The following CLIC1 variants were observed in gnomAD, a reference collection of about 807,000 sequenced individuals.
The protein encoded by CLIC1 is CLIC family member 1.
CLIC1 carries 16 observed loss-of-function variants against 26.4 expected under a neutral mutation model. The ratio of observed to expected loss-of-function variants is 0.61; its 90% CI spans 0.41 to 0.92. The LOEUF (loss-of-function observed/expected upper bound fraction) is 0.92, where lower values mean the gene tolerates loss of function less well. Ranked by LOEUF, CLIC1 falls within the 40% of genes least tolerant of loss-of-function variation. The pLI, the probability that CLIC1 is intolerant of heterozygous loss-of-function variation, is 0.00. For missense variants in CLIC1, 225 were observed against 289.7 expected (o/e 0.78, Z 1.62); for synonymous variants, 98 against 120.8 (o/e 0.81, Z 1.24).
Position 31,730,715 on chromosome 6 carries a change from C to G in CLIC1, c.*127G>C, listed in dbSNP as rs1807849986. 1 of 1,012,900 alleles carries G rather than the reference C, an allele frequency of 9.9e-7. No individual in the cohort carries two copies. The highest frequency in any genetic ancestry group is 1.5e-6 in the Non-Finnish European group (1 of 676,282). 62.7% of individuals were successfully genotyped at this position (1,012,900 alleles called of 1,614,324 possible). On this transcript the variant is annotated 3_prime_UTR_variant, in exon 6 of 6. Transcript: ENST00000375784. The surrounding 1 kb of genome is among the most constrained non-coding windows in gnomAD (Gnocchi z 5.1). ...CATCCCCTCTTCCACCACACCATCC[C>G]GGAACAAGTGCTCCAGGATTCCCTG...
rs192223015 is a variant in CLIC1, at chr6:31,733,609, T to C, written c.339A>G (p.Lys113=). The change falls in exon 4 of 6, where the codon AAA becomes AAG. Residue 113 remains lysine (K), a synonymous_variant. Transcript: ENST00000375784. This position sits in a 1 kb window ranked among gnomAD's most constrained non-coding sequence, Gnocchi z 5.4. The stretch of plus-strand genomic sequence containing the variant: ...TTGAATTCTTGATGTAGGCAGAAAA[T>C]TTGGCAAATATGTCCAGCCCAGCTG... 3.2e-5 allele frequency: 51 copies of C among 1,612,994 alleles called. No individual in the cohort carries two copies. In the East Asian group the frequency reaches 8.2e-4, roughly 26 times the overall value.
In CLIC1 at chr6:31,732,012, C is replaced by A. The variant is rs570492617; in HGVS notation, c.564+205G>T. Among the ~76,000 whole-genome samples, 5 of 152,302 alleles carry A rather than the reference C, an allele frequency of 3.3e-5. No homozygotes were observed. The highest frequency in any genetic ancestry group is 1.3e-4 in the Admixed American group (2 of 15,300). On this transcript the variant is annotated intron_variant, in intron 5 of 5. Transcript: ENST00000375784. This position sits in a 1 kb window ranked among gnomAD's most constrained non-coding sequence, Gnocchi z 5.0. ...GTCTGTTTGCACCCATGACTTACAT[C>A]ATGGAATATAATTATCTCAAGCAGT...
At position 31,734,251 on chromosome 6, in the gene CLIC1, C is replaced by T. The variant is rs760814992; in HGVS notation, c.52G>A (p.Gly18Arg). The T allele has an allele frequency of 1.2e-6, 2 of 1,614,092 alleles. No individual in the cohort carries two copies. The highest frequency in any genetic ancestry group is 1.1e-5 in the South Asian group (1 of 91,062). Residue 18 changes from glycine to arginine, a missense_variant, in exon 2 of 6, where the codon GGG becomes AGG. Transcript: ENST00000375784. The surrounding 1 kb of genome is among the most constrained non-coding windows in gnomAD (Gnocchi z 5.3). ...AATGGGCAGTTCCCAATCTTGGCCC[C>T]ATCACTGCCAGCCTGAAAAGTAACC...
rs1338981321 is a variant in CLIC1 at position 31,734,727 on chromosome 6, C to A, written c.40-464G>T. Among the ~76,000 whole-genome samples the A allele has an allele frequency of 6.6e-6, 1 of 152,068 alleles. No individual in the cohort carries two copies. Among genetic ancestry groups the A allele is most frequent in the Non-Finnish European group, 1.5e-5 (1 of 67,998 alleles). ...TTGGGTGGGGAGTCTAGTCAAGGGG[C>A]CCTGGGCCTCGCGCTAGAGATGTGG... On this transcript the variant is annotated intron_variant, in intron 1 of 5. Transcript: ENST00000375784. The surrounding 1 kb of genome is among the most constrained non-coding windows in gnomAD (Gnocchi z 5.3).
At chr6:31,735,464 C>T (rs945095961) in intron 1 of CLIC1, among the ~76,000 whole-genome samples, 21 of 151,466 alleles carry the variant, frequency 1.4e-4, no homozygotes, top group African/African-American at 5.1e-4. Flanking sequence ...GACCATCTCT[C>T]CTTACCCACA....
Position 31,736,196 on chromosome 6 carries a change from G to T in CLIC1, c.39+66C>A. 6.4e-7 allele frequency: 1 copy of T among 1,550,914 alleles called. No individual in the cohort carries two copies. The highest frequency in any genetic ancestry group is 2.2e-5 in the East Asian group (1 of 44,526). On this transcript the variant is annotated intron_variant, in intron 1 of 5. Coordinates refer to ENST00000375784, the Ensembl canonical transcript of CLIC1. The surrounding 1 kb of genome is among the most constrained non-coding windows in gnomAD (Gnocchi z 5.0). The stretch of plus-strand genomic sequence containing the variant: ...GGGAAGGGATTGGGGAGTTAAGGCT[G>T]GACCGGGGGAAAGGTGAGAGTTGGC...
chr6:31,736,317 A>G lies in CLIC1; in HGVS notation c.-17T>C. The G allele has an allele frequency of 1.9e-6, 3 of 1,612,864 alleles. No homozygotes were observed. The highest frequency in any genetic ancestry group is 1.3e-5 in the African/African-American group (1 of 75,034). The stretch of plus-strand genomic sequence containing the variant: ...TTCAGCCATGGTTGCGTCGGGGACC[A>G]GGAAGTGGCCGTCCCTGGGGGAACT... On this transcript the variant is annotated 5_prime_UTR_variant, in exon 1 of 6. Transcript: ENST00000375784. The surrounding 1 kb of genome is among the most constrained non-coding windows in gnomAD (Gnocchi z 5.0).
intron 5 of CLIC1, 56 bp from the exon 6 acceptor site, chr6:31,731,059 G>A (rs574966376): frequency 1.3e-6 from 2 of 1,535,776 alleles, no homozygotes; most frequent in African/African-American, 2.7e-5. Flanking sequence ...AGCCACCTTG[G>A]CTTTCCCTTC....
intron 1 of CLIC1, among the ~76,000 whole-genome samples, chr6:31,735,405 T>G (rs1808261700): frequency 6.7e-6 from 1 of 150,300 alleles, no homozygotes; most frequent in Non-Finnish European, 1.5e-5. Context: ...GGGGGCTGGG[T>G]GACACCGAGA....
At position 31,734,998 on chromosome 6, in the gene CLIC1, G is replaced by T. The variant is rs1199876280; in HGVS notation, c.40-735C>A. Among the ~76,000 whole-genome samples, 1 of 151,952 alleles carries T rather than the reference G, an allele frequency of 6.6e-6. No individual in the cohort carries two copies. Among genetic ancestry groups the T allele is most frequent in the Non-Finnish European group, 1.5e-5 (1 of 67,984 alleles). On this transcript the variant is annotated intron_variant, in intron 1 of 5. Coordinates refer to ENST00000375784, the Ensembl canonical transcript of CLIC1. This position sits in a 1 kb window ranked among gnomAD's most constrained non-coding sequence, Gnocchi z 5.3. ...CCATCCTCTCACAGGACACAGGGCC[G>T]GAATCTCTGCGGCACAGCCTCACCC...
chr6:31,732,995 G>A lies in CLIC1; in HGVS notation c.382+571C>T, dbSNP rs546687511. Among the ~76,000 whole-genome samples, 14 of 151,600 alleles carry A rather than the reference G, an allele frequency of 9.2e-5. No homozygotes were observed. The South Asian group carries it at 2.1e-3, about 23-fold the overall frequency. On this transcript the variant is annotated intron_variant, in intron 4 of 5. Transcript: ENST00000375784. This position sits in a 1 kb window ranked among gnomAD's most constrained non-coding sequence, Gnocchi z 5.0. The stretch of plus-strand genomic sequence containing the variant: ...AAATTAGCTGGGCGTGGTGATGCAC[G>A]TCTGTAATCCCAGCTACTCAGGAGG...
chr6:31,731,736 C>T (rs1235909709), intron 5 of CLIC1, among the ~76,000 whole-genome samples: 1 of 152,238 alleles, frequency 6.6e-6, no homozygotes, highest in Admixed American at 6.5e-5. Context: ...ATGTTCACTA[C>T]ATAGTTGTGT....
Position 31,736,201 on chromosome 6 carries a change from G to T in CLIC1, c.39+61C>A. ...GGGATTGGGGAGTTAAGGCTGGACC[G>T]GGGGAAAGGTGAGAGTTGGCTTCCA... On this transcript the variant is annotated intron_variant, in intron 1 of 5. Transcript: ENST00000375784. The surrounding 1 kb of genome is among the most constrained non-coding windows in gnomAD (Gnocchi z 5.0). 4 of 1,561,152 alleles carry T rather than the reference G, an allele frequency of 2.6e-6. No individual in the cohort carries two copies. The highest frequency in any genetic ancestry group is 3.5e-6 in the Non-Finnish European group (4 of 1,133,208).
rs1808347846 is a variant in CLIC1 at position 31,736,553 on chromosome 6, C to A, written c.-253G>T. On this transcript the variant is annotated 5_prime_UTR_variant, in exon 1 of 6. Coordinates refer to ENST00000375784, the Ensembl canonical transcript of CLIC1. This position sits in a 1 kb window ranked among gnomAD's most constrained non-coding sequence, Gnocchi z 5.0. ...GAGAGCCGCTGACTCACCGACCGGC[C>A]CCGCCCTGAACCTGGGGAGGGGACT... The A allele has an allele frequency of 8.1e-6, 11 of 1,354,600 alleles. No homozygotes were observed. In the South Asian group the frequency reaches 2.0e-4, roughly 25 times the overall value. 83.9% of individuals were successfully genotyped at this position (1,354,600 alleles called of 1,614,324 possible). A position where few individuals can be genotyped will look rare whatever the true frequency, so the allele number is the denominator to read the frequency against.
chr6:31,735,485 G>C (rs1487731018), intron 1 of CLIC1, among the ~76,000 whole-genome samples: 1 of 151,344 alleles, frequency 6.6e-6, no homozygotes, highest in East Asian at 2.0e-4. Flanking sequence ...CCCGCAGAGA[G>C]AGGAGAGAGT....
chr6:31,736,210 G>C lies in CLIC1; in HGVS notation c.39+52C>G. 6.3e-7 allele frequency: 1 copy of C among 1,589,700 alleles called. No individual in the cohort carries two copies. Among genetic ancestry groups the C allele is most frequent in the Non-Finnish European group, 8.6e-7 (1 of 1,158,908 alleles). ...GAGTTAAGGCTGGACCGGGGGAAAGGTGAGAGTTGGCTTCCAGGAATTTGG... is the reference window on the plus strand; with the variant it reads ...GAGTTAAGGCTGGACCGGGGGAAAGCTGAGAGTTGGCTTCCAGGAATTTGG... On this transcript the variant is annotated intron_variant, in intron 1 of 5. Coordinates refer to ENST00000375784, the Ensembl canonical transcript of CLIC1. The surrounding 1 kb of genome is among the most constrained non-coding windows in gnomAD (Gnocchi z 5.0).
upstream of CLIC1, chr6:31,736,763 G>A (rs1357417209): frequency 5.0e-6 from 5 of 998,694 alleles, no homozygotes; most frequent in African/African-American, 1.7e-5. This position sits in a 1 kb window ranked among gnomAD's most constrained non-coding sequence, Gnocchi z 5.0. Context: ...AGTACAACCC[G>A]ACTGACCCTC....
At position 31,730,655 on chromosome 6, in the gene CLIC1, T is replaced by C. The variant is rs1807845445; in HGVS notation, c.*187A>G. On this transcript the variant is annotated 3_prime_UTR_variant, in exon 6 of 6. Transcript: ENST00000375784. This position sits in a 1 kb window ranked among gnomAD's most constrained non-coding sequence, Gnocchi z 5.1. ...TTGTCCTACTCATCCCACCCCACAA[T>C]AAAAATCTGACCCAGGCCCCCCATT... 1 of 609,270 alleles carries C rather than the reference T, an allele frequency of 1.6e-6. No homozygotes were observed. The highest frequency in any genetic ancestry group is 2.8e-5 in the East Asian group (1 of 35,840). The allele number at this position is 609,270 out of a possible 1,614,324, so 37.7% of individuals were successfully genotyped here. A position where few individuals can be genotyped will look rare whatever the true frequency, so the allele number is the denominator to read the frequency against.
Position 31,730,924 on chromosome 6 carries a change from G to GCGT in CLIC1, c.641_643dup (p.Tyr214_Ala215insAsp). On this transcript the variant is annotated inframe_insertion, in exon 6 of 6. Coordinates refer to ENST00000375784, the Ensembl canonical transcript of CLIC1. The surrounding 1 kb of genome is among the most constrained non-coding windows in gnomAD (Gnocchi z 5.1). Reference sequence around the variant, plus strand: ...ACAGGTGGAAGCGAATTCTTCCCGGGCGTAGGCATTGCTCAAGTACCGATG... The same window carrying GCGT: ...ACAGGTGGAAGCGAATTCTTCCCGGGCGTCGTAGGCATTGCTCAAGTACCGATG... 4 of 1,613,094 alleles carry GCGT rather than the reference G, an allele frequency of 2.5e-6. No homozygotes were observed. Among genetic ancestry groups the GCGT allele is most frequent in the Non-Finnish European group, 3.4e-6 (4 of 1,180,038 alleles).
Sources: gnomAD v4.1 joint callset for allele counts (sites outside exome capture counted in the v4.1 genomes callset) on GRCh38, gnomAD v4.1.1 for gene constraint, Gnocchi (gnomAD v3.1) non-coding constraint, MANE v1.5 for transcripts, NCBI Gene and HGNC (gene_info 2026-07-23, HGNC 2026-07-21) for gene names.